Variants in STK32B observed in about 807,000 individuals in gnomAD.
The protein encoded by STK32B is serine/threonine-protein kinase 32B.
In STK32B, 43 loss-of-function variants were observed where a neutral mutation model predicts 52.6. The ratio of observed to expected loss-of-function variants is 0.82; its 90% CI spans 0.64 to 1.05. The LOEUF (loss-of-function observed/expected upper bound fraction) is 1.05. Ranked by LOEUF, STK32B falls within the 50% of genes least tolerant of loss-of-function variation. The pLI is 0.00. For synonymous variants in STK32B, 238 were observed against 204.3 expected, an observed-to-expected ratio of 1.17 and a Z score of -1.41; for missense variants, 621 against 534.6, an observed-to-expected ratio of 1.16 and a Z score of -1.59.
rs1268456879 is a variant in STK32B, at chr4:5,386,513, C to G, written c.435-11694C>G. The stretch of plus-strand genomic sequence containing the variant: ...GAAGTGCACATATTTGTAATTTGAC[C>G]TAGTAACTGAACATCTCTCAGCCTC... On this transcript the variant is annotated intron_variant, in intron 4 of 11. Coordinates refer to ENST00000282908, the MANE Select transcript of STK32B (RefSeq NM_018401.3). This position sits in a 1 kb window ranked among gnomAD's most constrained non-coding sequence, Gnocchi z 4.5. Among the ~76,000 whole-genome samples the G allele has an allele frequency of 2.0e-5, 3 of 152,162 alleles. No individual in the cohort carries two copies. Among genetic ancestry groups the G allele is most frequent in the Admixed American group, 1.3e-4 (2 of 15,286 alleles).
At chr4:5,281,567 C>G (rs970938128) in intron 3 of STK32B, among the ~76,000 whole-genome samples, 1 of 152,038 alleles carries the variant, frequency 6.6e-6, no homozygotes, top group Non-Finnish European at 1.5e-5. Flanking sequence ...TGTAACAAAC[C>G]TGCGTGTTCT....
At chr4:5,368,089 G>C (rs141275248) in intron 4 of STK32B, among the ~76,000 whole-genome samples, 1 of 152,112 alleles carries the variant, frequency 6.6e-6, no homozygotes, top group Non-Finnish European at 1.5e-5. Flanking sequence ...GTAAGTCAAA[G>C]AGGGGAGAGA....
intron 4 of STK32B, among the ~76,000 whole-genome samples, chr4:5,339,491 G>T (rs542199313): frequency 6.6e-6 from 1 of 152,106 alleles, no homozygotes; most frequent in South Asian, 2.1e-4. Context: ...ACACAACCAT[G>T]TGTAAGGATG....
At chr4:5,021,785 T>A in the STK32B span, among the ~76,000 whole-genome samples, 1 of 152,128 alleles carries the variant, frequency 6.6e-6, no homozygotes. Context: ...GCCTTCCCAT[T>A]GAGCATGAGA....
intron 3 of STK32B, among the ~76,000 whole-genome samples, chr4:5,286,620 A>G (rs889873473): frequency 6.6e-6 from 1 of 152,112 alleles, no homozygotes; most frequent in Admixed American, 6.5e-5. Context: ...ATTTTGTTGC[A>G]ATGTAGCACT....
intron 6 of STK32B, among the ~76,000 whole-genome samples, chr4:5,445,919 C>G (rs1715366736): frequency 7.0e-6 from 1 of 142,746 alleles, no homozygotes; most frequent in Admixed American, 7.1e-5. Flanking sequence ...GTCACCTATG[C>G]TAAAATATAG....
intron 8 of STK32B, among the ~76,000 whole-genome samples, chr4:5,457,783 A>G (rs1046770735): frequency 2.0e-5 from 3 of 151,750 alleles, no homozygotes; most frequent in Non-Finnish European, 4.4e-5. Flanking sequence ...GAGGCAGGTG[A>G]ATCACTTGAA....
intron 3 of STK32B, among the ~76,000 whole-genome samples, chr4:5,299,715 G>C (rs1729431147): frequency 6.6e-6 from 1 of 152,058 alleles, no homozygotes; most frequent in South Asian, 2.1e-4. Context: ...TTCTTGCTTT[G>C]TTCTTTTTGC....
chr4:5,351,856 G>T (rs1426226952), intron 4 of STK32B, among the ~76,000 whole-genome samples: 1 of 151,868 alleles, frequency 6.6e-6, no homozygotes, highest in East Asian at 1.9e-4. Context: ...AAACCTAAAG[G>T]AGATAAATTT....
chr4:5,315,499 CTGTA>C (rs1479966411), intron 3 of STK32B, among the ~76,000 whole-genome samples: 4 of 145,508 alleles, frequency 2.7e-5, no homozygotes, highest in Admixed American at 6.6e-5. Flanking sequence ...TTATCTAAAA[CTGTA>C]TGTATGTTTA....
intron 3 of STK32B, among the ~76,000 whole-genome samples, chr4:5,286,889 C>A (rs1168109321): frequency 6.7e-6 from 1 of 148,508 alleles, no homozygotes; most frequent in African/African-American, 2.5e-5. Context: ...CCTCTGCCTT[C>A]CAGTTTCAAG....
chr4:5,420,610 C>A (rs1422876772), intron 6 of STK32B, among the ~76,000 whole-genome samples: 1 of 152,084 alleles, frequency 6.6e-6, no homozygotes, highest in Non-Finnish European at 1.5e-5. Flanking sequence ...TGCAGCACAG[C>A]CATGGAAGTG....
chr4:5,363,011 A>G (rs1029130139), intron 4 of STK32B, among the ~76,000 whole-genome samples: 5 of 152,130 alleles, frequency 3.3e-5, no homozygotes, highest in Admixed American at 6.5e-5. Context: ...CACATTGGAG[A>G]TCTCAGTGCT....
intron 1 of STK32B, among the ~76,000 whole-genome samples, chr4:5,104,448 A>G (rs1262270118): frequency 6.6e-6 from 1 of 152,228 alleles, no homozygotes; most frequent in Admixed American, 6.5e-5. Flanking sequence ...GACTAATACA[A>G]TTATTATCAG....
At chr4:5,317,861 A>G (rs1226389878) in intron 3 of STK32B, among the ~76,000 whole-genome samples, 2 of 152,120 alleles carry the variant, frequency 1.3e-5, no homozygotes, top group Non-Finnish European at 2.9e-5. Flanking sequence ...TGAAAAATGT[A>G]GATCGGCACT....
chr4:5,360,492 CCG>C (rs1734474936), intron 4 of STK32B, among the ~76,000 whole-genome samples: 1 of 152,214 alleles, frequency 6.6e-6, no homozygotes, highest in Admixed American at 6.5e-5. Flanking sequence ...GTAGAATAGA[CCG>C]TGTGTGCGCT....
chr4:5,179,489 T>C (rs906640840), intron 3 of STK32B, among the ~76,000 whole-genome samples: 15 of 147,256 alleles, frequency 1.0e-4, no homozygotes, highest in African/African-American at 3.6e-4. Flanking sequence ...AATACATAGA[T>C]GATAGACAAA....
rs918152047 is a variant in STK32B at position 5,198,804 on chromosome 4, G to A, written c.260+30354G>A. Among the ~76,000 whole-genome samples the A allele has an allele frequency of 3.3e-5, 5 of 152,202 alleles. No individual in the cohort carries two copies. In the East Asian group the frequency reaches 9.6e-4, roughly 29 times the overall value. On this transcript the variant is annotated intron_variant, in intron 3 of 11. Coordinates refer to ENST00000282908, the MANE Select transcript of STK32B (RefSeq NM_018401.3). The stretch of plus-strand genomic sequence containing the variant: ...CTGCATCCAAACATTGTGTCCTCAT[G>A]TCACATTTCGGTGGCACTGGTTGTG...
chr4:5,491,538 C>T (rs1451203217), intron 11 of STK32B, among the ~76,000 whole-genome samples: 1 of 151,820 alleles, frequency 6.6e-6, no homozygotes, highest in East Asian at 1.9e-4. Flanking sequence ...TGCCTGTTCA[C>T]TCTGATGGTA....
Sources: allele counts gnomAD v4.1 joint callset (sites outside exome capture counted in the v4.1 genomes callset), GRCh38; gene constraint gnomAD v4.1.1; non-coding constraint Gnocchi (gnomAD v3.1); transcripts MANE v1.5; gene names NCBI Gene and HGNC (gene_info 2026-07-23, HGNC 2026-07-21).